DSE: variants seen among roughly 807,000 people sequenced by gnomAD.
DSE encodes the protein dermatan sulfate epimerase, also known as dermatan-sulfate epimerase.
A neutral mutation model predicts 84.4 loss-of-function variants in DSE; 36 were observed. The ratio of observed to expected loss-of-function variants is 0.43; its 90% confidence interval spans 0.33 to 0.56. The LOEUF is 0.56. Ranked by LOEUF, DSE falls within the 20% of genes least tolerant of loss-of-function variation. DSE has a pLI of 0.06. For synonymous variants in DSE, 410 were observed against 430.1 expected (o/e 0.95, Z 0.58); for missense variants, 862 against 1,169.6 (o/e 0.74, Z 3.84).
intron 2 of DSE, among the ~76,000 whole-genome samples, chr6:116,345,593 A>G (rs1583058427): frequency 6.6e-6 from 1 of 152,216 alleles, no homozygotes; most frequent in Non-Finnish European, 1.5e-5. Context: ...ACAACATACC[A>G]GAATCTCTGG....
At chr6:116,344,629 G>A (rs958587775) in intron 2 of DSE, among the ~76,000 whole-genome samples, 3 of 152,152 alleles carry the variant, frequency 2.0e-5, no homozygotes, top group African/African-American at 7.2e-5. Context: ...AGCTCCTGAA[G>A]GAAGCACTAA....
intron 2 of DSE, among the ~76,000 whole-genome samples, chr6:116,334,514 T>A (rs1395766606): frequency 6.6e-6 from 1 of 152,216 alleles, no homozygotes; most frequent in African/African-American, 2.4e-5. Context: ...CTCTTAATAG[T>A]TTCCTTGCTA....
At chr6:116,284,286 C>A (rs965091816) in intron 2 of DSE, among the ~76,000 whole-genome samples, 4 of 152,116 alleles carry the variant, frequency 2.6e-5, no homozygotes, top group Admixed American at 1.3e-4. Flanking sequence ...GATGTACCAG[C>A]CACTTTTATA....
chr6:116,258,884 T>C (rs1772275456), exon 2 of DSE: 1 of 1,605,666 alleles, frequency 6.2e-7, no homozygotes, highest in Admixed American at 1.7e-5. Context: ...CAGCCGTGCA[T>C]CATCATGGAG....
intron 2 of DSE, among the ~76,000 whole-genome samples, chr6:116,268,556 T>C (rs1413990052): frequency 2.6e-5 from 4 of 152,212 alleles, no homozygotes; most frequent in Non-Finnish European, 5.9e-5. Flanking sequence ...TTATTTTATA[T>C]AGGGCACTAT....
chr6:116,359,495 C>A (rs890929673), intron 2 of DSE, among the ~76,000 whole-genome samples: 1 of 152,078 alleles, frequency 6.6e-6, no homozygotes, highest in Non-Finnish European at 1.5e-5. Flanking sequence ...AATTTTAGTT[C>A]AGCTACTGTA....
At chr6:116,273,919 T>A (rs1343466614) in intron 2 of DSE, among the ~76,000 whole-genome samples, 3 of 147,140 alleles carry the variant, frequency 2.0e-5, no homozygotes, top group Non-Finnish European at 4.5e-5. Flanking sequence ...AGCCTCCACC[T>A]CTTGGGTTCA....
At chr6:116,355,954 T>G (rs189019570) in intron 2 of DSE, 1 of 152,342 alleles carries the variant, frequency 6.6e-6, no homozygotes, top group Admixed American at 6.5e-5. Flanking sequence ...GCTCACATAC[T>G]AGACAAAACA....
In DSE at chr6:116,326,900, ATATAACTG is replaced by A. The variant is rs200728042; in HGVS notation, c.-54+67936_-54+67943del. On this transcript the variant is annotated intron_variant, in intron 2 of 3. Transcript: ENST00000430252. Reference sequence around the variant, plus strand: ...TAAAGAGGGAATGCCTAAGTTAAAAATATAACTGTAAGTAGACTCTTCAAAATGATTAG... The same window carrying A: ...TAAAGAGGGAATGCCTAAGTTAAAAATAAGTAGACTCTTCAAAATGATTAG... Among the ~76,000 whole-genome samples the A allele has an allele frequency of 6.9e-3, 1,046 of 152,334 alleles. 22 individuals are homozygous for A. The highest frequency in any genetic ancestry group is 0.056 in the South Asian group (271 of 4,826).
chr6:116,261,522 T>G (rs960699809), intron 2 of DSE, among the ~76,000 whole-genome samples: 2 of 152,196 alleles, frequency 1.3e-5, no homozygotes, highest in Non-Finnish European at 2.9e-5. Flanking sequence ...TATGGGGTTT[T>G]CTAGATACAG....
rs1283764360 is a variant in DSE, at chr6:116,436,127, T to C, written c.1659T>C (p.Asn553=). Residue 553 remains asparagine, a synonymous_variant, in exon 6 of 6, where the codon AAT becomes AAC. Coordinates refer to ENST00000644252, the MANE Select transcript of DSE (RefSeq NM_013352.4). ...GAYNPQLNLK[N]VQRNLILLHP... ...ATAACCCCCAGCTCAACCTGAAGAATGTTCAGAGGAATCTCATCCTCCTAC... is the reference window on the plus strand; with the variant it reads ...ATAACCCCCAGCTCAACCTGAAGAACGTTCAGAGGAATCTCATCCTCCTAC... 6.2e-7 allele frequency: 1 copy of C among 1,612,946 alleles called. No individual in the cohort carries two copies. The highest frequency in any genetic ancestry group is 1.1e-5 in the South Asian group (1 of 91,016).
intron 2 of DSE, among the ~76,000 whole-genome samples, chr6:116,328,896 G>T (rs936455539): frequency 6.6e-6 from 1 of 151,566 alleles, no homozygotes; most frequent in Non-Finnish European, 1.5e-5. Flanking sequence ...AGGCAATAAG[G>T]GCTGCTTTGT....
chr6:116,374,395 A>G (rs1312341152), intron 1 of DSE, among the ~76,000 whole-genome samples: 1 of 152,112 alleles, frequency 6.6e-6, no homozygotes, highest in Non-Finnish European at 1.5e-5. Context: ...ACTTCATTAT[A>G]GTGGATACTA....
At chr6:116,320,890 A>T (rs889209029) in intron 2 of DSE, among the ~76,000 whole-genome samples, 1 of 152,174 alleles carries the variant, frequency 6.6e-6, no homozygotes, top group East Asian at 1.9e-4. Context: ...AGGGCTTAGC[A>T]TTTCAATATA....
chr6:116,290,870 G>T (rs190064048), intron 2 of DSE, among the ~76,000 whole-genome samples: 1 of 152,264 alleles, frequency 6.6e-6, no homozygotes, highest in Admixed American at 6.5e-5. Flanking sequence ...TGAAATTGTT[G>T]ATTGAATGCT....
chr6:116,280,146 T>G, intron 2 of DSE: 93 of 416,316 alleles, frequency 2.2e-4, no homozygotes, highest in Middle Eastern at 7.8e-4. Flanking sequence ...GAGATGCATC[T>G]AGCGACTGCT....
intron 2 of DSE, among the ~76,000 whole-genome samples, chr6:116,266,669 C>T (rs992019765): frequency 9.2e-5 from 14 of 152,192 alleles, no homozygotes; most frequent in African/African-American, 2.6e-4. Context: ...AAAGGTCTTT[C>T]AATATGTATA....
At chr6:116,327,052 G>A (rs745382716) in intron 2 of DSE, among the ~76,000 whole-genome samples, 6 of 152,116 alleles carry the variant, frequency 3.9e-5, no homozygotes, top group Admixed American at 1.3e-4. Context: ...CTTCTAACTC[G>A]AGCGGAAATG....
At chr6:116,331,741 G>T (rs573170094) in intron 2 of DSE, among the ~76,000 whole-genome samples, 4 of 152,112 alleles carry the variant, frequency 2.6e-5, no homozygotes, top group African/African-American at 9.7e-5. Flanking sequence ...AGCAGATCAC[G>T]AAGTCAGGGA....
Sources: allele counts gnomAD v4.1 joint callset (sites outside exome capture counted in the v4.1 genomes callset), GRCh38; gene constraint gnomAD v4.1.1; transcripts MANE v1.5; gene names NCBI Gene and HGNC (gene_info 2026-07-23, HGNC 2026-07-21).